C2CD2: variants seen among roughly 807,000 people sequenced by gnomAD.
C2CD2 encodes the protein C2 domain-containing protein 2.
A neutral mutation model predicts 74.3 loss-of-function variants in C2CD2; 43 were observed. The observed-to-expected ratio is 0.58, with a 90% CI of 0.45 to 0.75. C2CD2 has a LOEUF of 0.75. Among genes scored for constraint, C2CD2 ranks in the 30% least tolerant of loss-of-function variants. The pLI is 0.00. For synonymous variants in C2CD2, 422 were observed against 390.7 expected (o/e 1.08, Z -0.94); for missense variants, 801 against 916.3 (o/e 0.87, Z 1.63).
At chr21:41,933,903 A>C (rs903939229) in intron 2 of C2CD2, among the ~76,000 whole-genome samples, 7 of 152,220 alleles carry the variant, frequency 4.6e-5, no homozygotes, top group African/African-American at 1.7e-4. Context: ...CAAAAACATA[A>C]AAGTCAAGAG....
chr21:41,916,317 A>G (rs559604007), intron 5 of C2CD2, among the ~76,000 whole-genome samples: 1 of 152,276 alleles, frequency 6.6e-6, no homozygotes, highest in Admixed American at 6.5e-5. Flanking sequence ...GGATGAGATT[A>G]ACATTGAACT....
rs182883246 is a variant in C2CD2, at chr21:41,947,227, G to A, written c.280-4982C>T. Among the ~76,000 whole-genome samples, 19 of 145,550 alleles carry A rather than the reference G, an allele frequency of 1.3e-4. No homozygotes were observed. In the East Asian group the frequency reaches 1.4e-3, roughly 11 times the overall value. On this transcript the variant is annotated intron_variant, in intron 1 of 13. Transcript: ENST00000380486. ...GGCTGGAGTGCAATGGCGCGATCTCGGCTCACTGCAACCTCTGCCTCCTGG... is the reference window on the plus strand; with the variant it reads ...GGCTGGAGTGCAATGGCGCGATCTCAGCTCACTGCAACCTCTGCCTCCTGG...
intron 2 of C2CD2, among the ~76,000 whole-genome samples, chr21:41,938,603 C>T (rs1360889019): frequency 6.6e-6 from 1 of 152,166 alleles, no homozygotes; most frequent in Non-Finnish European, 1.5e-5. Flanking sequence ...TTCTGTCTCT[C>T]TGAATCAGGC....
intron 5 of C2CD2, 109 bp downstream of exon 5, chr21:41,917,996 C>G: frequency 7.5e-7 from 1 of 1,328,348 alleles, no homozygotes; most frequent in Non-Finnish European, 1.1e-6. Flanking sequence ...CATCTTGGCT[C>G]TACCATGGGA....
chr21:41,933,798 G>T (rs1211244599), intron 2 of C2CD2, among the ~76,000 whole-genome samples: 1 of 152,172 alleles, frequency 6.6e-6, no homozygotes, highest in African/African-American at 2.4e-5. Context: ...GAGGGAACCC[G>T]TCTACTCAAC....
At position 41,889,158 on chromosome 21, in the gene C2CD2, G is replaced by A; in HGVS notation, c.2057C>T (p.Thr686Ile). 6.2e-7 allele frequency: 1 copy of A among 1,612,566 alleles called. No individual in the cohort carries two copies. Among genetic ancestry groups the A allele is most frequent in the East Asian group, 2.2e-5 (1 of 44,874 alleles). Residue 686 changes from threonine (T) to isoleucine (I), a missense_variant, in exon 14 of 14, where the codon ACC (threonine) becomes ATC (isoleucine). Thr to Ile is a moderately conservative substitution (Grantham distance 89). Coordinates refer to ENST00000380486, the MANE Select transcript of C2CD2 (RefSeq NM_015500.2). ...GGGCTCCACGGGGGCACCGTTCATG[G>A]TGTTCTTGTTTCTGTGCCTGGAGAG... ...KLLSRHRNKN[T>I]MNGAPVEPCT
intron 12 of C2CD2, chr21:41,901,128 A>G (rs1432685438): frequency 5.0e-6 from 1 of 199,386 alleles, no homozygotes; most frequent in Admixed American, 5.3e-5. Flanking sequence ...CTCTGAGCGG[A>G]CGTCCCAGAG....
Position 41,899,373 on chromosome 21 carries a change from C to A in C2CD2, c.1561-11G>T. On this transcript the variant is annotated splice_polypyrimidine_tract_variant and intron_variant, in intron 12 of 13. Transcript: ENST00000380486. The surrounding 1 kb of genome is among the most constrained non-coding windows in gnomAD (Gnocchi z 4.4). ...CTGAGATAGTGAGGTCTGTCAGGGG[C>A]AGTGGGGAAGATGACAAGGGATACA... 6.2e-7 allele frequency: 1 copy of A among 1,601,030 alleles called. No homozygotes were observed. The highest frequency in any genetic ancestry group is 8.5e-7 in the Non-Finnish European group (1 of 1,179,298).
intron 2 of C2CD2, among the ~76,000 whole-genome samples, chr21:41,938,879 T>C (rs1366359272): frequency 6.6e-6 from 1 of 151,996 alleles, no homozygotes; most frequent in Non-Finnish European, 1.5e-5. Flanking sequence ...GTAGCTGGGA[T>C]TACAGGTGCA....
In C2CD2 at chr21:41,914,254, T is replaced by G. The variant is rs560618942; in HGVS notation, c.844+344A>C. Reference sequence around the variant, plus strand: ...AAAAAAGAAAGCAGAAGCTGCACCTTGGTCAAGGATGCTTAACACATACAT... The same window carrying G: ...AAAAAAGAAAGCAGAAGCTGCACCTGGGTCAAGGATGCTTAACACATACAT... On this transcript the variant is annotated intron_variant, in intron 6 of 13. Transcript: ENST00000380486. 4.7e-5 allele frequency among the ~76,000 whole-genome samples: 7 copies of G among 149,942 alleles called. No individual in the cohort carries two copies. In the East Asian group the frequency reaches 7.9e-4, roughly 17 times the overall value.
In C2CD2 at chr21:41,901,699, G is replaced by A; in HGVS notation, c.1483C>T (p.Gln495Ter). ...TTCAGCTTTGAAGATTCACTGAGCTGTCGAATGGCCACTTCAGCCACTGGA... is the reference window on the plus strand; with the variant it reads ...TTCAGCTTTGAAGATTCACTGAGCTATCGAATGGCCACTTCAGCCACTGGA... ...SDPVAEVAIRQLSESSKLKLK... is the reference protein window; with the variant it reads ...SDPVAEVAIR The change falls in exon 12 of 14, where the codon CAG becomes TAG. Residue 495 changes from glutamine (Q) to a stop codon, truncating the protein, a stop_gained. Transcript: ENST00000380486. LOFTEE classifies it high-confidence loss of function. 1 of 1,613,808 alleles carries A rather than the reference G, an allele frequency of 6.2e-7. No individual in the cohort carries two copies. The highest frequency in any genetic ancestry group is 8.5e-7 in the Non-Finnish European group (1 of 1,179,682).
At chr21:41,900,622 A>G (rs1028267430) in intron 12 of C2CD2, among the ~76,000 whole-genome samples, 1 of 151,998 alleles carries the variant, frequency 6.6e-6, no homozygotes, top group African/African-American at 2.4e-5. Context: ...AAGGTTGATG[A>G]CTCATCTCTG....
intron 4 of C2CD2, among the ~76,000 whole-genome samples, chr21:41,918,451 AG>A (rs2065117867): frequency 6.6e-6 from 1 of 152,208 alleles, no homozygotes; most frequent in Non-Finnish European, 1.5e-5. Flanking sequence ...TCACCGTGGG[AG>A]AGAGGGCCTG....
At chr21:41,952,312 T>C (rs563542593) in intron 1 of C2CD2, among the ~76,000 whole-genome samples, 4 of 152,360 alleles carry the variant, frequency 2.6e-5, no homozygotes, top group South Asian at 2.1e-4. Flanking sequence ...TTTAATTCCA[T>C]GGCCATGTCT....
intron 1 of C2CD2, among the ~76,000 whole-genome samples, chr21:41,946,295 T>C (rs930999915): frequency 6.6e-6 from 1 of 152,196 alleles, no homozygotes; most frequent in African/African-American, 2.4e-5. Flanking sequence ...TGTGGATCTG[T>C]GTCCCTGCCC....
chr21:41,925,286 G>A (rs1249836194), intron 2 of C2CD2, among the ~76,000 whole-genome samples: 1 of 151,562 alleles, frequency 6.6e-6, no homozygotes, highest in Non-Finnish European at 1.5e-5. Context: ...AGGAGTTCAA[G>A]ACTAGCCTGG....
chr21:41,901,916 C>A (rs1007788378), intron 11 of C2CD2, among the ~76,000 whole-genome samples, 167 bp from the exon 12 acceptor site: 5 of 152,182 alleles, frequency 3.3e-5, no homozygotes, highest in African/African-American at 1.2e-4. Flanking sequence ...GCAACAACTT[C>A]TCAATGCAGC....
chr21:41,940,985 A>AATG (rs1297336929), intron 2 of C2CD2, among the ~76,000 whole-genome samples: 1 of 151,838 alleles, frequency 6.6e-6, no homozygotes, highest in African/African-American at 2.4e-5. Context: ...AGAAATATAT[A>AATG]ATGATAATAA....
At chr21:41,940,936 C>T (rs2065349310) in intron 2 of C2CD2, among the ~76,000 whole-genome samples, 1 of 151,586 alleles carries the variant, frequency 6.6e-6, no homozygotes, top group Admixed American at 6.6e-5. Flanking sequence ...GGCAAATAAA[C>T]CATTTTTATT....
Sources: allele counts gnomAD v4.1 joint callset (sites outside exome capture counted in the v4.1 genomes callset), GRCh38; gene constraint gnomAD v4.1.1; non-coding constraint Gnocchi (gnomAD v3.1); transcripts MANE v1.5; gene names NCBI Gene and HGNC (gene_info 2026-07-23, HGNC 2026-07-21).